Variants in SRRM3 observed in about 807,000 individuals in gnomAD.
The protein encoded by SRRM3 is serine/arginine repetitive matrix 3.
Under a neutral mutation model 66.2 loss-of-function variants are expected in SRRM3, and 27 were observed. The observed-to-expected ratio is 0.41, with a 90% confidence interval of 0.30 to 0.56. The LOEUF is 0.56. SRRM3 is among the 20% of genes least tolerant of loss of function. The pLI is 0.32. For missense variants in SRRM3, 918 were observed against 991.9 expected (o/e 0.93, Z 1.00); for synonymous variants, 391 against 414.9 (o/e 0.94, Z 0.70).
chr7:76,270,707 G>A (rs1471363412), intron 11 of SRRM3, among the ~76,000 whole-genome samples: 1 of 152,100 alleles, frequency 6.6e-6, no homozygotes, highest in South Asian at 2.1e-4. Flanking sequence ...TCAGCTACTC[G>A]GGAAGCTGAG....
intron 2 of SRRM3, among the ~76,000 whole-genome samples, chr7:76,239,396 G>C (rs571038790): frequency 3.3e-5 from 5 of 152,166 alleles, no homozygotes; most frequent in African/African-American, 1.2e-4. Flanking sequence ...CTATAAAATG[G>C]GAATCAAAAG....
At chr7:76,222,858 C>T (rs541339865) in intron 1 of SRRM3, among the ~76,000 whole-genome samples, 1 of 152,092 alleles carries the variant, frequency 6.6e-6, no homozygotes, top group Admixed American at 6.6e-5. Context: ...TCCAATGATT[C>T]TCCTGGCTCA....
rs193081893 is a variant in SRRM3, at chr7:76,213,258, G to A, written c.-40+11191G>A. Among the ~76,000 whole-genome samples, 273 of 151,622 alleles carry A rather than the reference G, an allele frequency of 1.8e-3. 2 individuals are homozygous for A. Among genetic ancestry groups the A allele is most frequent in the Middle Eastern group, 0.014 (4 of 294 alleles). ...ACTCCTGACCTCAGGCAATCCACCC[G>A]CCTCAGCCTCCCACAGTGCTAGGAT... is the stretch of plus-strand genomic sequence containing the variant. On this transcript the variant is annotated intron_variant, in intron 1 of 14. Transcript: ENST00000611745.
intron 2 of SRRM3, among the ~76,000 whole-genome samples, chr7:76,247,581 T>C (rs1801473540): frequency 6.6e-6 from 1 of 152,138 alleles, no homozygotes; most frequent in Non-Finnish European, 1.5e-5. Flanking sequence ...GAGGAGGGGC[T>C]CAGCCTCACC....
At chr7:76,264,189 C>T (rs1328531846) in intron 8 of SRRM3, among the ~76,000 whole-genome samples, 9 of 138,030 alleles carry the variant, frequency 6.5e-5, no homozygotes, top group Admixed American at 1.5e-4. Flanking sequence ...TTTCCTGAGA[C>T]GGAGTTTCAC....
At chr7:76,208,514 A>G (rs146477616) in intron 1 of SRRM3, among the ~76,000 whole-genome samples, 11 of 151,636 alleles carry the variant, frequency 7.3e-5, no homozygotes, top group African/African-American at 1.7e-4. Flanking sequence ...ACAAAAAAAA[A>G]AAGAAGAAGA....
chr7:76,267,401 G>A lies in SRRM3; in HGVS notation c.974G>A (p.Gly325Glu). 1 of 1,394,350 alleles carries A rather than the reference G, an allele frequency of 7.2e-7. No individual in the cohort carries two copies. The highest frequency in any genetic ancestry group is 9.3e-7 in the Non-Finnish European group (1 of 1,079,878). The allele number at this position is 1,394,350 out of a possible 1,614,324, so 86.4% of individuals were successfully genotyped here. ...GGSGQRSGAH[G>E]GRPGSAHSPP... ...AGCGGGCAGCGGAGCGGAGCGCACG[G>A]GGGCCGCCCCGGCTCGGCGCACAGC... Residue 325 changes from glycine (G) to glutamate (E), a missense_variant, in exon 11 of 15, where the codon GGG becomes GAG. Gly to Glu is a moderately conservative substitution (Grantham distance 98, BLOSUM62 -2). Transcript: ENST00000611745.
At position 76,211,604 on chromosome 7, in the gene SRRM3, A is replaced by G. The variant is rs571846626; in HGVS notation, c.-40+9537A>G. Among the ~76,000 whole-genome samples the G allele has an allele frequency of 4.5e-3, 683 of 152,244 alleles. 1 individual carries two copies. The highest frequency in any genetic ancestry group is 9.3e-3 in the Admixed American group (142 of 15,286). ...GGCCTGCGGTGTGTTTTCAGGACAT[A>G]GGTCATATGGCCTGGGGCCTTTCCT... On this transcript the variant is annotated intron_variant, in intron 1 of 14. Coordinates refer to ENST00000611745, the MANE Select transcript of SRRM3 (RefSeq NM_001110199.3).
In SRRM3 at chr7:76,238,589, C is replaced by T. The variant is rs182174880; in HGVS notation, c.233+3290C>T. On this transcript the variant is annotated intron_variant, in intron 2 of 14. Transcript: ENST00000611745. ...GGGACGGAGCCTCCAGCCTTTCTGA[C>T]GAGATGCTCCCACCCCAGCCCCCAG... 5.3e-5 allele frequency among the ~76,000 whole-genome samples: 8 copies of T among 152,286 alleles called. No homozygotes were observed. The East Asian group carries it at 1.2e-3, about 22-fold the overall frequency.
chr7:76,225,535 T>C (rs1800842494), intron 1 of SRRM3, among the ~76,000 whole-genome samples: 1 of 92,342 alleles, frequency 1.1e-5, no homozygotes, highest in African/African-American at 4.3e-5. Flanking sequence ...TGGGGCCCCC[T>C]GAACTGGTGA....
At position 76,281,278 on chromosome 7, in the gene SRRM3, TCTCTTTCTGTCTCTGTCTCTCCCTCTTTC is replaced by T. The variant is rs1468844367; in HGVS notation, c.1009-142_1009-114del. Among the ~76,000 whole-genome samples, 8 of 151,218 alleles carry T rather than the reference TCTCTTTCTGTCTCTGTCTCTCCCTCTTTC, an allele frequency of 5.3e-5. No individual in the cohort carries two copies. In the South Asian group the frequency reaches 1.3e-3, roughly 24 times the overall value. On this transcript the variant is annotated intron_variant, in intron 11 of 14. Transcript: ENST00000611745. ...TGTCTCTCTGTCTCTCTCTCTCTCC[TCTCTTTCTGTCTCTGTCTCTCCCTCTTTC>T]CTCTTTCTGTCTCTGTCTCTGTCTC... is the stretch of plus-strand genomic sequence containing the variant.
intron 8 of SRRM3, among the ~76,000 whole-genome samples, chr7:76,263,112 C>T (rs1328082000): frequency 6.6e-6 from 1 of 152,152 alleles, no homozygotes; most frequent in African/African-American, 2.4e-5. Flanking sequence ...CAGTGTGGGT[C>T]CCTACTGCCC....
intron 8 of SRRM3, among the ~76,000 whole-genome samples, chr7:76,263,477 T>TGCCCCAAA (rs1198361042): frequency 6.6e-6 from 1 of 152,122 alleles, no homozygotes; most frequent in Non-Finnish European, 1.5e-5. Flanking sequence ...TTGGGGGGCT[T>TGCCCCAAA]GCCCCAGAGG....
rs1038578594 is a variant in SRRM3, at chr7:76,242,407, C to G, written c.234-5781C>G. 3.3e-5 allele frequency among the ~76,000 whole-genome samples: 5 copies of G among 151,992 alleles called. 1 individual carries two copies. Among genetic ancestry groups the G allele is most frequent in the Admixed American group, 2.6e-4 (4 of 15,240 alleles). ...GGCTGAGGCAGGAGAATCGCTTGAA[C>G]CGGGGAGATGGAGGTTGTGGTGAGC... On this transcript the variant is annotated intron_variant, in intron 2 of 14. Coordinates refer to ENST00000611745, the MANE Select transcript of SRRM3 (RefSeq NM_001110199.3).
chr7:76,230,243 A>G (rs1800978483), intron 1 of SRRM3, among the ~76,000 whole-genome samples: 1 of 152,172 alleles, frequency 6.6e-6, no homozygotes, highest in Non-Finnish European at 1.5e-5. Flanking sequence ...AAATACCTAC[A>G]TCTAACATGA....
At chr7:76,267,533 A>T in intron 11 of SRRM3, 98 bp downstream of exon 11, 32 of 136,464 alleles carry the variant, frequency 2.3e-4, no homozygotes, top group East Asian at 6.0e-4. Context: ...TAAGTGTGGC[A>T]TGGGGGCGGG....
At chr7:76,248,395 G>A in intron 3 of SRRM3, 106 bp downstream of exon 3, 1 of 732,236 alleles carries the variant, frequency 1.4e-6, no homozygotes, top group South Asian at 1.6e-5. Context: ...TGGGGCTCAG[G>A]TGAGGGGGTG....
chr7:76,241,015 A>T (rs552611663), intron 2 of SRRM3, among the ~76,000 whole-genome samples: 31 of 152,168 alleles, frequency 2.0e-4, no homozygotes, highest in African/African-American at 7.5e-4. Context: ...GTCCTGCCTC[A>T]GCCTGCCAAG....
chr7:76,213,044 C>T (rs1469308019), intron 1 of SRRM3, among the ~76,000 whole-genome samples: 1 of 119,020 alleles, frequency 8.4e-6, no homozygotes, highest in Non-Finnish European at 1.6e-5. Flanking sequence ...GAGTCTCACT[C>T]TGTCGCCCAG....
Sources: gnomAD v4.1 joint callset for allele counts (sites outside exome capture counted in the v4.1 genomes callset) on GRCh38, gnomAD v4.1.1 for gene constraint, MANE v1.5 for transcripts, NCBI Gene and HGNC (gene_info 2026-07-23, HGNC 2026-07-21) for gene names.